Variants in PTPRD observed in about 807,000 individuals in gnomAD.
PTPRD encodes protein tyrosine phosphatase receptor type D.
Under a neutral mutation model 214.5 loss-of-function variants are expected in PTPRD, and 34 were observed. The ratio of observed to expected loss-of-function variants is 0.16; its 90% CI spans 0.12 to 0.21. The LOEUF (loss-of-function observed/expected upper bound fraction) is 0.21. Among genes scored for constraint, PTPRD ranks in the 10% least tolerant of loss-of-function variants. The probability of loss-of-function intolerance (pLI) is 1.00; values close to 1 mark genes in which losing one functional copy is unlikely to be tolerated. For missense variants in PTPRD, 2,545 were observed against 2,398.7 expected, an observed-to-expected ratio of 1.06 and a Z score of -1.27; for synonymous variants, 1,128 against 845.7, an observed-to-expected ratio of 1.33 and a Z score of -5.79.
chr9:8,689,219 A>C (rs1167312529), intron 12 of PTPRD, among the ~76,000 whole-genome samples: 1 of 152,236 alleles, frequency 6.6e-6, no homozygotes, highest in African/African-American at 2.4e-5. Flanking sequence ...TTAAAAAATA[A>C]AAATAAAAAA....
intron 4 of PTPRD, among the ~76,000 whole-genome samples, chr9:9,986,568 G>A (rs2095716702): frequency 6.6e-6 from 1 of 151,988 alleles, no homozygotes; most frequent in Non-Finnish European, 1.5e-5. Flanking sequence ...CCACAGGTGG[G>A]GCAATGAGAG....
At chr9:9,154,588 A>G (rs2099879629) in intron 10 of PTPRD, among the ~76,000 whole-genome samples, 1 of 152,156 alleles carries the variant, frequency 6.6e-6, no homozygotes, top group Admixed American at 6.6e-5. Context: ...TTATCCCCAA[A>G]TTATTACATG....
At chr9:8,545,224 A>G (rs1193165366) in intron 14 of PTPRD, among the ~76,000 whole-genome samples, 3 of 152,188 alleles carry the variant, frequency 2.0e-5, no homozygotes, top group African/African-American at 7.2e-5. Flanking sequence ...CATCATGGAT[A>G]TTATTCGTTT....
chr9:9,371,893 G>A (rs1490071687), intron 9 of PTPRD, among the ~76,000 whole-genome samples: 4 of 152,152 alleles, frequency 2.6e-5, no homozygotes, highest in Non-Finnish European at 4.4e-5. Context: ...TCAGGAGCAG[G>A]TTGTTCAGTT....
intron 44 of PTPRD, among the ~76,000 whole-genome samples, chr9:8,321,053 G>C (rs924674277): frequency 2.0e-5 from 3 of 152,098 alleles, no homozygotes; most frequent in African/African-American, 7.2e-5. Flanking sequence ...GAAATGTTAA[G>C]TGAGGTTTGA....
chr9:10,053,292 A>G (rs2097566299), intron 3 of PTPRD, among the ~76,000 whole-genome samples: 1 of 152,216 alleles, frequency 6.6e-6, no homozygotes, highest in Non-Finnish European at 1.5e-5. Flanking sequence ...GAAAACACAA[A>G]GAAGCCCAAT....
chr9:10,497,500 T>C (rs1273455149), intron 2 of PTPRD, among the ~76,000 whole-genome samples: 2 of 152,068 alleles, frequency 1.3e-5, no homozygotes, highest in African/African-American at 2.4e-5. Context: ...GTTAGTCATC[T>C]GGTTTTCAGA....
chr9:8,965,196 GATGAAACCCCTTCTC>G (rs1329648884), intron 11 of PTPRD, among the ~76,000 whole-genome samples: 1 of 152,008 alleles, frequency 6.6e-6, no homozygotes, highest in Non-Finnish European at 1.5e-5. Flanking sequence ...TGGCCAACAT[GATGAAACCCCTTCTC>G]TACTAAAAGC....
chr9:10,209,449 C>A (rs1247319061), intron 3 of PTPRD, among the ~76,000 whole-genome samples: 5 of 152,060 alleles, frequency 3.3e-5, no homozygotes, highest in African/African-American at 1.2e-4. Context: ...TGATAATGGG[C>A]CATTAGGGAA....
At chr9:8,671,164 T>A (rs967046082) in intron 12 of PTPRD, among the ~76,000 whole-genome samples, 1 of 152,140 alleles carries the variant, frequency 6.6e-6, no homozygotes, top group Non-Finnish European at 1.5e-5. Flanking sequence ...AGAAAATAAA[T>A]GTATTCTAAA....
intron 8 of PTPRD, among the ~76,000 whole-genome samples, chr9:9,487,707 T>C (rs148149376): frequency 1.3e-5 from 2 of 152,238 alleles, no homozygotes; most frequent in East Asian, 1.9e-4. Flanking sequence ...AAACAACCCA[T>C]CTAAGTAAGC....
intron 7 of PTPRD, among the ~76,000 whole-genome samples, chr9:9,594,871 C>CA (rs2093128644): frequency 6.6e-6 from 1 of 151,928 alleles, no homozygotes; most frequent in Non-Finnish European, 1.5e-5. Context: ...ACAAAGAACT[C>CA]AAACAAATCA....
At chr9:8,644,067 C>G (rs1255320278) in intron 12 of PTPRD, among the ~76,000 whole-genome samples, 1 of 152,184 alleles carries the variant, frequency 6.6e-6, no homozygotes, top group African/African-American at 2.4e-5. Flanking sequence ...GTTCCAGGCT[C>G]AGCCAAAGCA....
intron 2 of PTPRD, among the ~76,000 whole-genome samples, chr9:10,407,941 G>T: frequency 6.6e-6 from 1 of 151,536 alleles, no homozygotes; most frequent in African/African-American, 2.4e-5. Context: ...ACTTTTGGAA[G>T]AAGGCGATGA....
intron 9 of PTPRD, among the ~76,000 whole-genome samples, chr9:9,357,003 G>T (rs924402912): frequency 1.3e-5 from 2 of 151,238 alleles, no homozygotes; most frequent in South Asian, 2.1e-4. Flanking sequence ...AGGGGGATTT[G>T]GGTCTCAAAT....
intron 7 of PTPRD, among the ~76,000 whole-genome samples, chr9:9,638,208 C>G (rs2095833995): frequency 6.6e-6 from 1 of 152,090 alleles, no homozygotes; most frequent in African/African-American, 2.4e-5. Context: ...TCATATTTTG[C>G]TTCTCTTTTA....
At chr9:10,240,396 C>A (rs748703792) in intron 3 of PTPRD, among the ~76,000 whole-genome samples, 1 of 151,722 alleles carries the variant, frequency 6.6e-6, no homozygotes, top group Non-Finnish European at 1.5e-5. Flanking sequence ...CCTAGAGAAA[C>A]AGAAGGTCCA....
intron 2 of PTPRD, among the ~76,000 whole-genome samples, chr9:10,527,288 C>G (rs2054596789): frequency 6.6e-6 from 1 of 152,136 alleles, no homozygotes; most frequent in Non-Finnish European, 1.5e-5. Context: ...CAGTTTACCA[C>G]CGATGCAGTA....
rs1327118226 is a variant in PTPRD, at chr9:8,321,526, T to TATATATATATATAA, written c.5535-1561_5535-1560insTTATATATATATAT. Among the ~76,000 whole-genome samples, 40 of 115,758 alleles carry TATATATATATATAA rather than the reference T, an allele frequency of 3.5e-4. 1 individual carries two copies. Among genetic ancestry groups the TATATATATATATAA allele is most frequent in the Middle Eastern group, 5.5e-3 (1 of 182 alleles). The allele number at this position is 115,758 out of a possible 152,430, so 75.9% of individuals were successfully genotyped here. On this transcript the variant is annotated intron_variant, in intron 44 of 45. Coordinates refer to ENST00000381196, the MANE Select transcript of PTPRD (RefSeq NM_002839.4). Reference sequence around the variant, plus strand: ...ATATATATATATATATATATATATATAAAAGGTATATGCATCGCAATTCCT... The same window carrying TATATATATATATAA: ...ATATATATATATATATATATATATATATATATATATATAAAAAAGGTATATGCATCGCAATTCCT...
Sources: allele counts gnomAD v4.1 joint callset (sites outside exome capture counted in the v4.1 genomes callset), GRCh38; gene constraint gnomAD v4.1.1; transcripts MANE v1.5; gene names NCBI Gene and HGNC (gene_info 2026-07-23, HGNC 2026-07-21).